NFKB2: variants seen among roughly 807,000 people sequenced by gnomAD.
NFKB2 encodes the protein nuclear factor kappa B subunit 2.
Under a neutral mutation model 109.3 loss-of-function variants are expected in NFKB2, and 21 were observed. That is an observed-to-expected ratio of 0.19 (90% confidence interval 0.14 to 0.28). The LOEUF is 0.28. Ranked by LOEUF, NFKB2 falls within the 10% of genes least tolerant of loss-of-function variation. The pLI, the probability that NFKB2 is intolerant of heterozygous loss-of-function variation, is 1.00. For missense variants in NFKB2, 806 were observed against 1,185.3 expected, an observed-to-expected ratio of 0.68 and a Z score of 4.70; for synonymous variants, 478 against 489.9, an observed-to-expected ratio of 0.98 and a Z score of 0.32.
rs2061115708 is a variant in NFKB2, at chr10:102,396,422, G to A, written c.104-27G>A. 3 of 1,614,020 alleles carry A rather than the reference G, an allele frequency of 1.9e-6. No individual in the cohort carries two copies. In the African/African-American group the frequency reaches 4.0e-5, roughly 22 times the overall value. Reference sequence around the variant, plus strand: ...TCTGGGGGAGGGGCTGGGAGATCGTGGCTCAGCAAGGTCTCTCTGTCCCCA... The same window carrying A: ...TCTGGGGGAGGGGCTGGGAGATCGTAGCTCAGCAAGGTCTCTCTGTCCCCA... On this transcript the variant is annotated intron_variant, in intron 3 of 22. Coordinates refer to ENST00000661543, the MANE Select transcript of NFKB2 (RefSeq NM_001322934.2). The surrounding 1 kb of genome is among the most constrained non-coding windows in gnomAD (Gnocchi z 5.9).
In NFKB2 at chr10:102,399,845, G is replaced by C. The variant is rs1403150501; in HGVS notation, c.1469+127G>C. ...TCCGGCCTCGGTGTTCACAAGCTCT[G>C]TTCAAGCTGCTTGGTCTCTCCAAAC... On this transcript the variant is annotated intron_variant, in intron 14 of 22. Transcript: ENST00000661543. The C allele has an allele frequency of 2.9e-6, 4 of 1,362,722 alleles. No homozygotes were observed. The East Asian group carries it at 7.6e-5, about 26-fold the overall frequency. 84.4% of individuals were successfully genotyped at this position (1,362,722 alleles called of 1,614,324 possible). A position where few individuals can be genotyped will look rare whatever the true frequency, so the allele number is the denominator to read the frequency against.
chr10:102,401,167 C>A lies in NFKB2; in HGVS notation c.2072-13C>A. 1 of 1,590,110 alleles carries A rather than the reference C, an allele frequency of 6.3e-7. No homozygotes were observed. The highest frequency in any genetic ancestry group is 1.1e-5 in the South Asian group (1 of 88,662). On this transcript the variant is annotated splice_polypyrimidine_tract_variant and intron_variant, in intron 18 of 22. Transcript: ENST00000661543. The surrounding 1 kb of genome is among the most constrained non-coding windows in gnomAD (Gnocchi z 4.2). ...CCCCACCATACCGCCCCATGACGGCCTCCCTCTCCCAGGTGCTGACATCCA... is the reference window on the plus strand; with the variant it reads ...CCCCACCATACCGCCCCATGACGGCATCCCTCTCCCAGGTGCTGACATCCA...
In NFKB2 at chr10:102,396,718, CCT is replaced by C. The variant is rs753848243; in HGVS notation, c.145-6_145-5del. On this transcript the variant is annotated splice_polypyrimidine_tract_variant and splice_region_variant and intron_variant, in intron 4 of 22. Transcript: ENST00000661543. This position sits in a 1 kb window ranked among gnomAD's most constrained non-coding sequence, Gnocchi z 5.9. ...ATCACAATGCTACTATGCCCTTGGA[CCT>C]TCAGAGAGGCTTCCGATTTCGATAT... 7 of 1,610,668 alleles carry C rather than the reference CCT, an allele frequency of 4.3e-6. No individual in the cohort carries two copies. In the South Asian group the frequency reaches 7.7e-5, roughly 18 times the overall value.
chr10:102,398,478 G>A lies in NFKB2; in HGVS notation c.946G>A (p.Asp316Asn). The A allele has an allele frequency of 6.2e-7, 1 of 1,614,186 alleles. No homozygotes were observed. Among genetic ancestry groups the A allele is most frequent in the Non-Finnish European group, 8.5e-7 (1 of 1,180,030 alleles). ...FLQLKRKRGG[D>N]VSDSKQFTYY... ...GCAACTGAAACGCAAGCGAGGAGGG[G>A]ACGTGTCTGATTCCAAACAGTTCAC... Residue 316 changes from aspartate (D) to asparagine (N), a missense_variant, in exon 11 of 23, where the codon GAC becomes AAC. Transcript: ENST00000661543. This position sits in a 1 kb window ranked among gnomAD's most constrained non-coding sequence, Gnocchi z 6.6.
At chr10:102,395,195 GGA>G (rs148169423), upstream of NFKB2, among the ~76,000 whole-genome samples, 55 of 151,464 alleles carry the variant, frequency 3.6e-4, no homozygotes, top group African/African-American at 1.3e-3. Context: ...GTGAGGTTTG[GGA>G]GAGAGAGAAA....
At position 102,402,506 on chromosome 10, in the gene NFKB2, A is replaced by AC. The variant is rs933643125; in HGVS notation, c.*134dup. On this transcript the variant is annotated 3_prime_UTR_variant, in exon 23 of 23. Transcript: ENST00000661543. ...AAAGGATTCTCATGGGAAGGGGAGGACCCCTCCTTCCCAACTTATGGCAGC... is the reference window on the plus strand; with the variant it reads ...AAAGGATTCTCATGGGAAGGGGAGGACCCCCTCCTTCCCAACTTATGGCAGC... The AC allele has an allele frequency of 6.6e-5, 39 of 593,438 alleles. No homozygotes were observed. In the African/African-American group the frequency reaches 6.8e-4, roughly 10 times the overall value. The allele number at this position is 593,438 out of a possible 1,614,324, so 36.8% of individuals were successfully genotyped here. A position where few individuals can be genotyped will look rare whatever the true frequency, so the allele number is the denominator to read the frequency against.
rs2061169717 is a variant in NFKB2 at position 102,399,114 on chromosome 10, G to A, written c.1118-174G>A. 9 of 752,354 alleles carry A rather than the reference G, an allele frequency of 1.2e-5. No individual in the cohort carries two copies. The South Asian group carries it at 1.7e-4, about 14-fold the overall frequency. The allele number at this position is 752,354 out of a possible 1,614,324, so 46.6% of individuals were successfully genotyped here. A position where few individuals can be genotyped will look rare whatever the true frequency, so the allele number is the denominator to read the frequency against. ...TGTAATCCCAGCTACTCGGGAGGCT[G>A]AGGCAGGAGAATCGCTTGAACCCTG... On this transcript the variant is annotated intron_variant, in intron 12 of 22. Coordinates refer to ENST00000661543, the MANE Select transcript of NFKB2 (RefSeq NM_001322934.2).
rs772750975 is a variant in NFKB2, at chr10:102,398,468, G to A, written c.936G>A (p.Lys312=). ...CAGTGTTTCTGCAACTGAAACGCAA[G>A]CGAGGAGGGGACGTGTCTGATTCCA... is the stretch of plus-strand genomic sequence containing the variant. ...PVTVFLQLKR[K]RGGDVSDSKQ... Residue 312 remains lysine (K), a synonymous_variant, in exon 11 of 23, where the codon AAG becomes AAA. Coordinates refer to ENST00000661543, the MANE Select transcript of NFKB2 (RefSeq NM_001322934.2). The surrounding 1 kb of genome is among the most constrained non-coding windows in gnomAD (Gnocchi z 6.6). The A allele has an allele frequency of 6.2e-7, 1 of 1,614,226 alleles. No individual in the cohort carries two copies. The highest frequency in any genetic ancestry group is 1.7e-5 in the Admixed American group (1 of 60,028).
chr10:102,399,674 G>T lies in NFKB2; in HGVS notation c.1425G>T (p.Ala475=), dbSNP rs999826127. The T allele has an allele frequency of 6.6e-7, 1 of 1,524,272 alleles. No individual in the cohort carries two copies. 94.4% of individuals were successfully genotyped at this position (1,524,272 alleles called of 1,614,324 possible). ...CCGCGGACGCGCGCGCGCTGCTGGC[G>T]GGACAGCGCCACCTGCTGACGGCGC... ...GVTADARALL[A]GQRHLLTAQD... Residue 475 remains alanine, a synonymous_variant, in exon 14 of 23, where the codon GCG becomes GCT. Coordinates refer to ENST00000661543, the MANE Select transcript of NFKB2 (RefSeq NM_001322934.2).
Position 102,397,495 on chromosome 10 carries a change from G to C in NFKB2, c.503-32G>C. 3.1e-6 allele frequency: 5 copies of C among 1,609,258 alleles called. No individual in the cohort carries two copies. Among genetic ancestry groups the C allele is most frequent in the Non-Finnish European group, 3.4e-6 (4 of 1,177,078 alleles). ...TCATGGAAGGAGCAGGGAGGGAGAA[G>C]CCCAGGGGTCACACATGTACCTACT... On this transcript the variant is annotated intron_variant, in intron 7 of 22. Transcript: ENST00000661543. This position sits in a 1 kb window ranked among gnomAD's most constrained non-coding sequence, Gnocchi z 4.7.
rs1372017993 is a variant in NFKB2 at position 102,399,514 on chromosome 10, A to ACGGGCGGTCGGGGCGC, written c.1327+22_1327+37dup. 1.3e-6 allele frequency: 2 copies of ACGGGCGGTCGGGGCGC among 1,499,990 alleles called. No individual in the cohort carries two copies. The highest frequency in any genetic ancestry group is 1.8e-6 in the Non-Finnish European group (2 of 1,123,568). The allele number at this position is 1,499,990 out of a possible 1,614,324, so 92.9% of individuals were successfully genotyped here. ...TGCAGCGAGGTATGGACTCCGGGGC[A>ACGGGCGGTCGGGGCGC]CGGGCGGTCGGGGCGCCGGGGCTGA... is the stretch of plus-strand genomic sequence containing the variant. On this transcript the variant is annotated intron_variant, in intron 13 of 22. Transcript: ENST00000661543.
In NFKB2 at chr10:102,396,878, T is replaced by A. The variant is rs2061124646; in HGVS notation, c.244-26T>A. 1.3e-6 allele frequency: 2 copies of A among 1,599,896 alleles called. No individual in the cohort carries two copies. Among genetic ancestry groups the A allele is most frequent in the South Asian group, 2.2e-5 (2 of 90,870 alleles). ...TAAGTGGACAGCATGCCCAAGGCCC[T>A]GACTGACAGTCCCTGCCTCTCCTAG... On this transcript the variant is annotated intron_variant, in intron 5 of 22. Transcript: ENST00000661543. This position sits in a 1 kb window ranked among gnomAD's most constrained non-coding sequence, Gnocchi z 5.9.
At position 102,402,344 on chromosome 10, in the gene NFKB2, T is replaced by C. The variant is rs1411498190; in HGVS notation, c.2671T>C (p.Cys891Arg). 1.9e-6 allele frequency: 3 copies of C among 1,563,730 alleles called. No individual in the cohort carries two copies. The highest frequency in any genetic ancestry group is 2.6e-6 in the Non-Finnish European group (3 of 1,155,870). The change falls in exon 23 of 23, where the codon TGC (cysteine) becomes CGC (arginine). Residue 891 changes from cysteine (C) to arginine (R), a missense_variant. Physicochemically the swap from Cys to Arg is radical, Grantham distance 180. This residue lies in a region of NFKB2 where 211 missense variants were observed against 268.7 expected (regional missense o/e 0.79). Transcript: ENST00000661543. ...GPPPEPPGGLCHGHPQPQVH is the reference protein window; with the variant it reads ...GPPPEPPGGLRHGHPQPQVH ...ACCCCCTGAGCCACCAGGAGGGCTC[T>C]GCCACGGGCACCCCCAGCCTCAGGT...
rs762534008 is a variant in NFKB2, at chr10:102,398,323, G to A, written c.852+26G>A. Reference sequence around the variant, plus strand: ...GTACCCAGGGCTAGGGCCCGGGCCCGGGCTGGGGGCTAAATTAGGCTAAGG... The same window carrying A: ...GTACCCAGGGCTAGGGCCCGGGCCCAGGCTGGGGGCTAAATTAGGCTAAGG... On this transcript the variant is annotated intron_variant, in intron 10 of 22. Coordinates refer to ENST00000661543, the MANE Select transcript of NFKB2 (RefSeq NM_001322934.2). This position sits in a 1 kb window ranked among gnomAD's most constrained non-coding sequence, Gnocchi z 6.6. 9.3e-6 allele frequency: 15 copies of A among 1,614,056 alleles called. No homozygotes were observed. Among genetic ancestry groups the A allele is most frequent in the Non-Finnish European group, 1.2e-5 (14 of 1,179,964 alleles).
At position 102,396,285 on chromosome 10, in the gene NFKB2, C is replaced by T; in HGVS notation, c.54C>T (p.Phe18=). ...ATGGTATTATTGAATATGATGATTT[C>T]AAATTGAACTCCTCCATTGTGGAAC... is the stretch of plus-strand genomic sequence containing the variant. The part of the protein sequence containing the change: ...GLDGIIEYDD[F]KLNSSIVEPK... The change falls in exon 3 of 23, where the codon TTC becomes TTT. Residue 18 remains phenylalanine, a synonymous_variant. Coordinates refer to ENST00000661543, the MANE Select transcript of NFKB2 (RefSeq NM_001322934.2). The surrounding 1 kb of genome is among the most constrained non-coding windows in gnomAD (Gnocchi z 5.9). 2 of 1,612,924 alleles carry T rather than the reference C, an allele frequency of 1.2e-6. No individual in the cohort carries two copies. Among genetic ancestry groups the T allele is most frequent in the Non-Finnish European group, 1.7e-6 (2 of 1,179,064 alleles).
Position 102,398,570 on chromosome 10 carries a change from G to A in NFKB2, c.991+47G>A. ...CAGGGTGCTGGCGGGGGGCCAGGCT[G>A]GGCTAGAAGAAGGTCCCAAGAGCTA... On this transcript the variant is annotated intron_variant, in intron 11 of 22. Transcript: ENST00000661543. The surrounding 1 kb of genome is among the most constrained non-coding windows in gnomAD (Gnocchi z 6.6). 1.2e-6 allele frequency: 2 copies of A among 1,609,606 alleles called. No homozygotes were observed. The highest frequency in any genetic ancestry group is 1.3e-5 in the African/African-American group (1 of 74,974).
chr10:102,402,118 T>C lies in NFKB2; in HGVS notation c.2537T>C (p.Leu846Pro). 1 of 1,579,678 alleles carries C rather than the reference T, an allele frequency of 6.3e-7. No homozygotes were observed. The change falls in exon 22 of 23, where the codon CTG becomes CCG. Residue 846 changes from leucine (L) to proline (P), a missense_variant. Leu to Pro is a moderately conservative substitution (Grantham distance 98). Transcript: ENST00000661543. ...SDMGLEEGVRLLRGPETRDKL... is the reference protein window; with the variant it reads ...SDMGLEEGVRPLRGPETRDKL... ...ATGGGCCTAGAGGAGGGAGTGAGGCTGCTGAGGGGTCCAGAAACCCGAGAC... is the reference window on the plus strand; with the variant it reads ...ATGGGCCTAGAGGAGGGAGTGAGGCCGCTGAGGGGTCCAGAAACCCGAGAC...
chr10:102,397,420 G>C lies in NFKB2; in HGVS notation c.502+12G>C, dbSNP rs756562810. Reference sequence around the variant, plus strand: ...CCAGGGCCTTACGGGTATGGGTGCAGGGGGTGGGTCGGGTATGGGTGCAGG... The same window carrying C: ...CCAGGGCCTTACGGGTATGGGTGCACGGGGTGGGTCGGGTATGGGTGCAGG... On this transcript the variant is annotated intron_variant, in intron 7 of 22. Transcript: ENST00000661543. The surrounding 1 kb of genome is among the most constrained non-coding windows in gnomAD (Gnocchi z 4.7). The C allele has an allele frequency of 6.2e-7, 1 of 1,609,636 alleles. No homozygotes were observed. The highest frequency in any genetic ancestry group is 1.3e-5 in the African/African-American group (1 of 74,632).
chr10:102,395,884 T>C lies in NFKB2; in HGVS notation c.-72-4T>C, dbSNP rs2061099962. 2.3e-6 allele frequency: 3 copies of C among 1,319,024 alleles called. No homozygotes were observed. The highest frequency in any genetic ancestry group is 2.0e-6 in the Non-Finnish European group (2 of 986,740). The allele number at this position is 1,319,024 out of a possible 1,614,324, so 81.7% of individuals were successfully genotyped here. Reference sequence around the variant, plus strand: ...CTCCCCCACGCCACTCCTCCCAACTTTAGGCGGGCGTCTAAAATTCTGGGA... The same window carrying C: ...CTCCCCCACGCCACTCCTCCCAACTCTAGGCGGGCGTCTAAAATTCTGGGA... On this transcript the variant is annotated splice_polypyrimidine_tract_variant and splice_region_variant and intron_variant, in intron 1 of 22. Coordinates refer to ENST00000661543, the MANE Select transcript of NFKB2 (RefSeq NM_001322934.2).
Sources: gnomAD v4.1 joint callset for allele counts (sites outside exome capture counted in the v4.1 genomes callset) on GRCh38, gnomAD v4.1.1 for gene constraint, gnomAD v4.1.1 regional missense constraint, Gnocchi (gnomAD v3.1) non-coding constraint, MANE v1.5 for transcripts, NCBI Gene and HGNC (gene_info 2026-07-23, HGNC 2026-07-21) for gene names.